The following HECW2 variants were observed in gnomAD, a reference collection of about 807,000 sequenced individuals.
HECW2 encodes the protein HECT, C2 and WW domain containing E3 ubiquitin protein ligase 2.
Under a neutral mutation model 175.2 loss-of-function variants are expected in HECW2, and 61 were observed. The ratio of observed to expected loss-of-function variants is 0.35; its 90% CI spans 0.28 to 0.43. The LOEUF is 0.43. Among genes scored for constraint, HECW2 ranks in the 20% least tolerant of loss-of-function variants. The pLI is 1.00. For missense variants in HECW2, 1,524 were observed against 2,000.5 expected (o/e 0.76, Z 4.54); for synonymous variants, 671 against 731.0 (o/e 0.92, Z 1.32).
chr2:196,237,897 C>T (rs1688310744), intron 21 of HECW2, among the ~76,000 whole-genome samples: 2 of 152,128 alleles, frequency 1.3e-5, no homozygotes, highest in South Asian at 4.1e-4. Context: ...TTGTATATTT[C>T]CTGCTTAGTG....
intron 10 of HECW2, among the ~76,000 whole-genome samples, chr2:196,309,245 C>G (rs1269692694): frequency 6.6e-6 from 1 of 152,208 alleles, no homozygotes; most frequent in Non-Finnish European, 1.5e-5. Context: ...AAGGCCATCA[C>G]CTCAGCTAGG....
chr2:196,273,049 ATTTTTTTTTTTTTTTTTTTTTTTTT>A (rs778348590), intron 16 of HECW2, among the ~76,000 whole-genome samples: 1 of 113,140 alleles, frequency 8.8e-6, no homozygotes, highest in Admixed American at 9.4e-5. Flanking sequence ...AGCTGGTCTA[ATTTTTTTTTTTTTTTTTTTTTTTTT>A]TTTTTTTTTT....
rs565181230 is a variant in HECW2, at chr2:196,397,005, C to T, written c.292+36127G>A. ...GCGGGCACCTGTAGTCCCACCTACT[C>T]GGGAAGCTGAGGCAGGAGAAGGAGT... On this transcript the variant is annotated intron_variant, in intron 2 of 28. Transcript: ENST00000644978. Among the ~76,000 whole-genome samples, 6 of 152,044 alleles carry T rather than the reference C, an allele frequency of 3.9e-5. No individual in the cohort carries two copies. In the East Asian group the frequency reaches 7.7e-4, roughly 20 times the overall value.
intron 2 of HECW2, among the ~76,000 whole-genome samples, chr2:196,360,576 G>GA (rs962733628): frequency 2.0e-5 from 3 of 150,746 alleles, no homozygotes; most frequent in South Asian, 2.1e-4. Flanking sequence ...GAGAGGATCA[G>GA]AAAAAAAAAT....
At chr2:196,379,212 T>C (rs1364825569) in intron 2 of HECW2, among the ~76,000 whole-genome samples, 1 of 152,118 alleles carries the variant, frequency 6.6e-6, no homozygotes, top group East Asian at 1.9e-4. Flanking sequence ...TCTAAATAAG[T>C]CTATTTTTAT....
chr2:196,525,357 G>T (rs1688600537), intron 1 of HECW2, among the ~76,000 whole-genome samples: 1 of 126,996 alleles, frequency 7.9e-6, no homozygotes, highest in African/African-American at 3.1e-5. Context: ...CTTTTATTTT[G>T]AGCCTATGTG....
chr2:196,280,108 A>G (rs541776129), intron 14 of HECW2, among the ~76,000 whole-genome samples: 1 of 152,360 alleles, frequency 6.6e-6, no homozygotes, highest in African/African-American at 2.4e-5. Context: ...CTTAAGTACA[A>G]TTAGAAATTG....
intron 28 of HECW2, among the ~76,000 whole-genome samples, chr2:196,209,131 A>C (rs1019819747): frequency 9.2e-5 from 14 of 152,240 alleles, no homozygotes; most frequent in Admixed American, 4.6e-4. Flanking sequence ...TGTCACTCAC[A>C]AATAGACACT....
At chr2:196,304,280 G>C (rs969095719) in intron 13 of HECW2, among the ~76,000 whole-genome samples, 2 of 151,982 alleles carry the variant, frequency 1.3e-5, no homozygotes, top group Non-Finnish European at 2.9e-5. Flanking sequence ...ATTTTATGAC[G>C]GCTTGAATGT....
chr2:196,269,907 T>C (rs375641020), intron 17 of HECW2, among the ~76,000 whole-genome samples: 1 of 152,212 alleles, frequency 6.6e-6, no homozygotes. Context: ...CCAGACCTCT[T>C]GAATTAAATT....
chr2:196,257,212 C>T (rs1005151568), intron 18 of HECW2, among the ~76,000 whole-genome samples: 4 of 151,606 alleles, frequency 2.6e-5, no homozygotes, highest in African/African-American at 9.7e-5. Context: ...CTTTTGAAAA[C>T]TTGCCAGTTT....
chr2:196,508,762 A>G (rs1331296903), intron 1 of HECW2, among the ~76,000 whole-genome samples: 1 of 152,010 alleles, frequency 6.6e-6, no homozygotes, highest in Non-Finnish European at 1.5e-5. Context: ...TTCCTCCTCC[A>G]TTGTCCCCAT....
chr2:196,274,293 T>C (rs1689856438), intron 15 of HECW2, among the ~76,000 whole-genome samples, 170 bp from the exon 16 acceptor site: 1 of 152,186 alleles, frequency 6.6e-6, no homozygotes, highest in South Asian at 2.1e-4. Context: ...TTGAAAGCCT[T>C]GTTTTAGTGG....
intron 1 of HECW2, among the ~76,000 whole-genome samples, chr2:196,471,609 T>C (rs1404052986): frequency 6.6e-6 from 1 of 152,162 alleles, no homozygotes; most frequent in Non-Finnish European, 1.5e-5. Context: ...ATGTTATACA[T>C]ATACACCATG....
In HECW2 at chr2:196,475,789, A is replaced by T. The variant is rs78579581; in HGVS notation, c.-35-42331T>A. Among the ~76,000 whole-genome samples the T allele has an allele frequency of 3.5e-3, 528 of 152,216 alleles. 3 individuals carry two copies. The highest frequency in any genetic ancestry group is 6.0e-3 in the Non-Finnish European group (409 of 68,008). On this transcript the variant is annotated intron_variant, in intron 1 of 28. Transcript: ENST00000644978. ...TCACTGTGGTCTGAGAGGTGCAAGG[A>T]CTCCTCTGATTGGCCTGGCCTGGGC...
At chr2:196,257,007 C>G (rs915623548) in intron 18 of HECW2, among the ~76,000 whole-genome samples, 1 of 152,192 alleles carries the variant, frequency 6.6e-6, no homozygotes, top group Non-Finnish European at 1.5e-5. Context: ...TGGTCAGGGT[C>G]AAGATCATCA....
intron 14 of HECW2, among the ~76,000 whole-genome samples, chr2:196,281,909 T>C (rs188248884): frequency 1.1e-4 from 16 of 152,282 alleles, no homozygotes; most frequent in African/African-American, 3.9e-4. Context: ...GTTAAAATTT[T>C]TAAACCTCAG....
chr2:196,201,564 A>C (rs565555864), intron 28 of HECW2, among the ~76,000 whole-genome samples, 176 bp from the exon 29 acceptor site: 1 of 152,286 alleles, frequency 6.6e-6, no homozygotes, highest in African/African-American at 2.4e-5. Flanking sequence ...TGACCTTAAA[A>C]ATTCAGAACT....
intron 2 of HECW2, among the ~76,000 whole-genome samples, chr2:196,350,735 G>T (rs1170798735): frequency 6.6e-6 from 1 of 152,200 alleles, no homozygotes; most frequent in East Asian, 1.9e-4. Context: ...CTGCCATAAG[G>T]AGCTGACGGG....
Sources: gnomAD v4.1 joint callset for allele counts (sites outside exome capture counted in the v4.1 genomes callset) on GRCh38, gnomAD v4.1.1 for gene constraint, MANE v1.5 for transcripts, NCBI Gene and HGNC (gene_info 2026-07-23, HGNC 2026-07-21) for gene names.